Variants in FARS2 observed in about 807,000 individuals in gnomAD.
FARS2 encodes the protein phenylalanyl-tRNA synthetase 2, mitochondrial.
A neutral mutation model predicts 46.4 loss-of-function variants in FARS2; 40 were observed. That is an observed-to-expected ratio of 0.86 (90% CI 0.67 to 1.12). The LOEUF is 1.12. FARS2 is among the 50% of genes most tolerant of loss of function. The pLI, the probability that FARS2 is intolerant of heterozygous loss-of-function variation, is 0.00. For missense variants in FARS2, 513 were observed against 567.9 expected, an observed-to-expected ratio of 0.90 and a Z score of 0.98; for synonymous variants, 234 against 214.9, an observed-to-expected ratio of 1.09 and a Z score of -0.78.
intron 6 of FARS2, among the ~76,000 whole-genome samples, chr6:5,636,252 A>G (rs78223793): frequency 0.034 from 5,221 of 152,284 alleles, 312 homozygotes; most frequent in African/African-American, 0.12. Context: ...AGTTCCCTCT[A>G]TGTGATAGCA....
At chr6:5,364,107 T>C (rs2127632707) in intron 1 of FARS2, among the ~76,000 whole-genome samples, 1 of 152,352 alleles carries the variant, frequency 6.6e-6, no homozygotes, top group South Asian at 2.1e-4. Context: ...ATGACTTTAT[T>C]AGTTCATCCG....
the FARS2 span, among the ~76,000 whole-genome samples, chr6:5,255,257 A>C: frequency 1.1e-4 from 16 of 152,338 alleles, no homozygotes; most frequent in Admixed American, 3.9e-4. Context: ...AGACATCTGC[A>C]TTCTCTCATG....
intron 1 of FARS2, among the ~76,000 whole-genome samples, chr6:5,324,218 A>G (rs1292528837): frequency 6.6e-6 from 1 of 152,224 alleles, no homozygotes; most frequent in African/African-American, 2.4e-5. Flanking sequence ...CTCTTACAGT[A>G]GTGACAAACT....
intron 6 of FARS2, among the ~76,000 whole-genome samples, chr6:5,697,218 A>G (rs1310560035): frequency 1.3e-5 from 2 of 152,252 alleles, no homozygotes; most frequent in Non-Finnish European, 2.9e-5. Context: ...ATTATGTCTA[A>G]GCAAAGAGAG....
At chr6:5,450,151 C>T (rs1016579752) in intron 4 of FARS2, among the ~76,000 whole-genome samples, 14 of 152,192 alleles carry the variant, frequency 9.2e-5, no homozygotes, top group African/African-American at 3.1e-4. Flanking sequence ...ACAGATGGCC[C>T]CTGCCCTCCT....
At chr6:5,297,319 G>T (rs1767960318) in intron 1 of FARS2, among the ~76,000 whole-genome samples, 2 of 152,276 alleles carry the variant, frequency 1.3e-5, no homozygotes, top group East Asian at 3.9e-4. Context: ...AGGATTCGTA[G>T]AGTTCGCTCT....
intron 5 of FARS2, among the ~76,000 whole-genome samples, chr6:5,551,351 G>T (rs1582427269): frequency 6.6e-6 from 1 of 152,026 alleles, no homozygotes; most frequent in East Asian, 1.9e-4. Context: ...TGAATATTTG[G>T]ATATTCTCAG....
intron 1 of FARS2, among the ~76,000 whole-genome samples, chr6:5,326,015 G>T (rs1416201540): frequency 3.9e-5 from 6 of 152,134 alleles, no homozygotes; most frequent in Admixed American, 6.5e-5. Flanking sequence ...ATTGTTAATG[G>T]GGGCATTTAT....
intron 5 of FARS2, among the ~76,000 whole-genome samples, chr6:5,591,360 G>C (rs1013525797): frequency 1.3e-5 from 2 of 152,216 alleles, no homozygotes; most frequent in African/African-American, 2.4e-5. Flanking sequence ...TTGAATATGA[G>C]AAGAAATCTT....
intron 6 of FARS2, among the ~76,000 whole-genome samples, chr6:5,692,511 G>C (rs761870933): frequency 3.3e-5 from 5 of 152,130 alleles, no homozygotes; most frequent in Non-Finnish European, 7.4e-5. Flanking sequence ...ACACTGGGCT[G>C]GGCACTGTGA....
At chr6:5,376,512 C>T (rs1227393693) in intron 2 of FARS2, among the ~76,000 whole-genome samples, 2 of 152,064 alleles carry the variant, frequency 1.3e-5, no homozygotes, top group Non-Finnish European at 2.9e-5. Flanking sequence ...TGTGATTTGG[C>T]ATTTTTTTCT....
At chr6:5,310,477 CAAGA>C (rs1380266440) in intron 1 of FARS2, among the ~76,000 whole-genome samples, 1 of 149,966 alleles carries the variant, frequency 6.7e-6, no homozygotes, top group Non-Finnish European at 1.5e-5. Context: ...TACATATGAC[CAAGA>C]AAGAGTTGCC....
At chr6:5,286,318 A>G (rs1767107585) in intron 1 of FARS2, among the ~76,000 whole-genome samples, 1 of 152,120 alleles carries the variant, frequency 6.6e-6, no homozygotes, top group Non-Finnish European at 1.5e-5. Flanking sequence ...GCTGGAGTGC[A>G]GGGGTGTGAT....
chr6:5,522,278 A>G (rs1442566561), intron 4 of FARS2, among the ~76,000 whole-genome samples: 10 of 152,168 alleles, frequency 6.6e-5, no homozygotes, highest in African/African-American at 9.7e-5. Context: ...CAGTCTGTCT[A>G]TCTGTCTGCT....
chr6:5,711,880 G>T (rs1310688497), intron 6 of FARS2, among the ~76,000 whole-genome samples: 1 of 152,114 alleles, frequency 6.6e-6, no homozygotes, highest in Non-Finnish European at 1.5e-5. Context: ...TAGTGACGTT[G>T]GTTCACTCCT....
rs1356941780 is a variant in FARS2 at position 5,727,673 on chromosome 6, A to G, written c.1218-43618A>G. Among the ~76,000 whole-genome samples, 1 of 152,188 alleles carries G rather than the reference A, an allele frequency of 6.6e-6. No homozygotes were observed. The highest frequency in any genetic ancestry group is 1.5e-5 in the Non-Finnish European group (1 of 68,026). ...AATACACGCCCCAATTAATGAGTTA[A>G]GTCCAGATAAAGTGGGTCTGAGGAG... On this transcript the variant is annotated intron_variant, in intron 6 of 6. Transcript: ENST00000274680. This position sits in a 1 kb window ranked among gnomAD's most constrained non-coding sequence, Gnocchi z 4.1.
At chr6:5,345,072 A>C (rs1447646745) in intron 1 of FARS2, among the ~76,000 whole-genome samples, 1 of 152,036 alleles carries the variant, frequency 6.6e-6, no homozygotes, top group South Asian at 2.1e-4. Flanking sequence ...GATTACAGGC[A>C]TGAGCCACCA....
chr6:5,354,661 C>T (rs900539868), intron 1 of FARS2, among the ~76,000 whole-genome samples: 1 of 151,904 alleles, frequency 6.6e-6, no homozygotes, highest in Non-Finnish European at 1.5e-5. Context: ...CTACAGGCGC[C>T]CGCCACCACG....
chr6:5,740,560 C>T (rs916341172), intron 6 of FARS2, among the ~76,000 whole-genome samples: 9 of 151,552 alleles, frequency 5.9e-5, no homozygotes, highest in Non-Finnish European at 1.3e-4. Context: ...CGGATATTTA[C>T]AAACCTCCCT....
Sources: gnomAD v4.1 joint callset for allele counts (sites outside exome capture counted in the v4.1 genomes callset) on GRCh38, gnomAD v4.1.1 for gene constraint, Gnocchi (gnomAD v3.1) non-coding constraint, MANE v1.5 for transcripts, NCBI Gene and HGNC (gene_info 2026-07-23, HGNC 2026-07-21) for gene names.